EPHB1: variants seen among roughly 807,000 people sequenced by gnomAD.
EPHB1 encodes the protein ephrin type-B receptor 1.
EPHB1 carries 30 observed loss-of-function variants against 94.4 expected under a neutral mutation model. That is an observed-to-expected ratio of 0.32 (90% CI 0.24 to 0.43). The LOEUF is 0.43. Among genes scored for constraint, EPHB1 ranks in the 20% least tolerant of loss-of-function variants. The pLI is 1.00. For synonymous variants in EPHB1, 522 were observed against 489.1 expected (o/e 1.07, Z -0.89); for missense variants, 1,055 against 1,308.3 (o/e 0.81, Z 2.99).
chr3:135,245,140 C>G (rs571707021), intron 13 of EPHB1, among the ~76,000 whole-genome samples: 1 of 152,194 alleles, frequency 6.6e-6, no homozygotes, highest in Non-Finnish European at 1.5e-5. Context: ...GGGAAGACAT[C>G]TACTAAAATA....
intron 1 of EPHB1, among the ~76,000 whole-genome samples, chr3:134,807,394 G>A (rs1423276530): frequency 6.6e-6 from 1 of 152,160 alleles, no homozygotes; most frequent in South Asian, 2.1e-4. Context: ...AATAGGGCAC[G>A]TGATAGACTC....
In EPHB1 at chr3:135,166,950, C is replaced by T. The variant is rs1576440340; in HGVS notation, c.1703C>T (p.Ala568Val). The T allele has an allele frequency of 1.2e-6, 2 of 1,614,114 alleles. No individual in the cohort carries two copies. The highest frequency in any genetic ancestry group is 1.7e-6 in the Non-Finnish European group (2 of 1,179,998). ...AISIVCSRKR[A>V]YSKEAVYSDK... ...CCTCTTTTTATCCACAGGAAACGGG[C>T]TTATAGCAAAGAGGCTGTGTACAGC... is the stretch of plus-strand genomic sequence containing the variant. Residue 568 changes from alanine (A) to valine (V), a missense_variant, in exon 9 of 16, where the codon GCT becomes GTT. By Grantham distance (64) the Ala-to-Val change is moderately conservative. Coordinates refer to ENST00000398015, the MANE Select transcript of EPHB1 (RefSeq NM_004441.5).
At chr3:134,934,267 C>A (rs976333918) in intron 2 of EPHB1, among the ~76,000 whole-genome samples, 7 of 152,148 alleles carry the variant, frequency 4.6e-5, no homozygotes, top group Non-Finnish European at 4.4e-5. Context: ...ATATAATACG[C>A]GTCTTTTAGG....
intron 3 of EPHB1, among the ~76,000 whole-genome samples, chr3:135,002,833 T>C (rs916610991): frequency 4.6e-5 from 7 of 151,902 alleles, no homozygotes; most frequent in African/African-American, 1.7e-4. Flanking sequence ...ATTGCGTCTA[T>C]TTGATTCTTC....
intron 3 of EPHB1, among the ~76,000 whole-genome samples, chr3:135,073,254 T>G (rs1937789148): frequency 6.6e-6 from 1 of 152,174 alleles, no homozygotes; most frequent in Non-Finnish European, 1.5e-5. Flanking sequence ...AACACAACAG[T>G]TTTAATTAGA....
At chr3:135,130,032 G>T (rs771327447) in intron 4 of EPHB1, among the ~76,000 whole-genome samples, 17 of 152,160 alleles carry the variant, frequency 1.1e-4, no homozygotes, top group Non-Finnish European at 2.4e-4. Context: ...TCAGGAAGCA[G>T]GGGGGAAATT....
chr3:134,942,929 T>C (rs1485617274), intron 2 of EPHB1, among the ~76,000 whole-genome samples: 1 of 152,230 alleles, frequency 6.6e-6, no homozygotes, highest in Non-Finnish European at 1.5e-5. Context: ...TTAAATAATA[T>C]TTCAAAACAG....
chr3:135,142,941 G>T (rs902841791), intron 5 of EPHB1, among the ~76,000 whole-genome samples: 2 of 152,114 alleles, frequency 1.3e-5, no homozygotes, highest in Non-Finnish European at 2.9e-5. Flanking sequence ...AGGAGATGGC[G>T]AGTGATGGTG....
At chr3:134,939,280 G>C (rs984189619) in intron 2 of EPHB1, among the ~76,000 whole-genome samples, 2 of 151,698 alleles carry the variant, frequency 1.3e-5, no homozygotes, top group Non-Finnish European at 2.9e-5. Flanking sequence ...CAATATGGAA[G>C]CCCTTCCAAG....
intron 12 of EPHB1, 109 bp from the exon 13 acceptor site, chr3:135,241,039 C>T (rs1943769889): frequency 1.5e-6 from 2 of 1,307,700 alleles, no homozygotes; most frequent in East Asian, 2.3e-5. Flanking sequence ...TCATAATTCA[C>T]AAGATATGGG....
intron 7 of EPHB1, among the ~76,000 whole-genome samples, chr3:135,163,409 A>G (rs1240233263): frequency 6.6e-6 from 1 of 152,174 alleles, no homozygotes. Context: ...CCCCTGTAGG[A>G]CTGGAGTTTG....
At chr3:135,010,069 C>G (rs533910825) in intron 3 of EPHB1, among the ~76,000 whole-genome samples, 2 of 152,220 alleles carry the variant, frequency 1.3e-5, no homozygotes, top group Admixed American at 6.5e-5. Flanking sequence ...TAGAAAATTA[C>G]TGTATATCTT....
chr3:135,092,717 C>G (rs200377546), intron 3 of EPHB1, among the ~76,000 whole-genome samples: 2 of 152,000 alleles, frequency 1.3e-5, no homozygotes, highest in African/African-American at 2.4e-5. Context: ...CCTCCACTTC[C>G]CAGGTTCAAG....
chr3:135,053,021 G>GTATATATATATATATATA (rs1400909264), intron 3 of EPHB1, among the ~76,000 whole-genome samples: 2 of 68,852 alleles, frequency 2.9e-5, no homozygotes, highest in African/African-American at 1.5e-4. Context: ...ATATGTGTGT[G>GTATATATATATATATATA]TGTGTGTATA....
chr3:135,053,021 G>GTATATATA (rs1400909264), intron 3 of EPHB1, among the ~76,000 whole-genome samples: 10 of 68,824 alleles, frequency 1.5e-4, no homozygotes, highest in East Asian at 1.1e-3. Context: ...ATATGTGTGT[G>GTATATATA]TGTGTGTATA....
chr3:135,105,678 G>A (rs559792990), intron 3 of EPHB1, among the ~76,000 whole-genome samples: 3 of 152,306 alleles, frequency 2.0e-5, no homozygotes, highest in African/African-American at 7.2e-5. Flanking sequence ...CCCCTCCAGT[G>A]GAGATCAGGT....
chr3:135,035,025 ATCT>A (rs766900161), intron 3 of EPHB1, among the ~76,000 whole-genome samples: 63 of 152,318 alleles, frequency 4.1e-4, no homozygotes, highest in African/African-American at 1.4e-3. Flanking sequence ...GGCTGGAGTA[ATCT>A]TCTTGTAGTG....
At chr3:134,902,596 A>T (rs903856461) in intron 1 of EPHB1, among the ~76,000 whole-genome samples, 1 of 152,264 alleles carries the variant, frequency 6.6e-6, no homozygotes, top group East Asian at 1.9e-4. Context: ...TCTTCATCTC[A>T]TTAGCTGGTA....
At chr3:134,985,437 C>T (rs1187281715) in intron 3 of EPHB1, among the ~76,000 whole-genome samples, 3 of 152,170 alleles carry the variant, frequency 2.0e-5, no homozygotes, top group African/African-American at 4.8e-5. Flanking sequence ...GGATTACAGG[C>T]GTGAGCCACC....
Sources: gnomAD v4.1 joint callset for allele counts (sites outside exome capture counted in the v4.1 genomes callset) on GRCh38, gnomAD v4.1.1 for gene constraint, MANE v1.5 for transcripts, NCBI Gene and HGNC (gene_info 2026-07-23, HGNC 2026-07-21) for gene names.